SI: variants seen among roughly 807,000 people sequenced by gnomAD.
SI encodes the protein sucrase-isomaltase.
SI carries 235 observed loss-of-function variants against 253.3 expected under a neutral mutation model. The observed-to-expected ratio is 0.93, with a 90% CI of 0.83 to 1.03. SI has a LOEUF of 1.03. Ranked by LOEUF, SI falls within the 50% of genes least tolerant of loss-of-function variation. The pLI is 0.00. For synonymous variants in SI, 819 were observed against 712.0 expected, an observed-to-expected ratio of 1.15 and a Z score of -2.39; for missense variants, 2,442 against 2,211.1, an observed-to-expected ratio of 1.10 and a Z score of -2.09.
chr3:164,994,322 A>C lies in SI; in HGVS notation c.4776T>G (p.Tyr1592Ter), dbSNP rs1028405236. 1 of 1,611,194 alleles carries C rather than the reference A, an allele frequency of 6.2e-7. No homozygotes were observed. Among genetic ancestry groups the C allele is most frequent in the African/African-American group, 1.3e-5 (1 of 74,766 alleles). The stretch of plus-strand genomic sequence containing the variant: ...GAATTTCATGCATTTGTGTGTAAAA[A>C]TAGGGCAATAAGGTGTATCTAATAT... ...ILNIRYTLLP[Y>*]FYTQMHEIHA... The change falls in exon 41 of 48, where the codon TAT becomes TAG. Residue 1592 changes from tyrosine to a stop codon, truncating the protein, a stop_gained. Transcript: ENST00000264382. LOFTEE classifies it high-confidence loss of function.
intron 44 of SI, among the ~76,000 whole-genome samples, chr3:164,989,976 T>G (rs924806005): frequency 1.7e-4 from 26 of 152,162 alleles, no homozygotes; most frequent in African/African-American, 6.3e-4. Flanking sequence ...AAAACAATTC[T>G]AAAGGACACC....
At chr3:165,042,657 T>C (rs1051779694) in intron 17 of SI, among the ~76,000 whole-genome samples, 1 of 152,138 alleles carries the variant, frequency 6.6e-6, no homozygotes, top group Non-Finnish European at 1.5e-5. Context: ...TTACATGAAC[T>C]AAACACAAAC....
At chr3:165,020,531 C>A (rs1276057189) in intron 27 of SI, among the ~76,000 whole-genome samples, 1 of 151,514 alleles carries the variant, frequency 6.6e-6, no homozygotes, top group Non-Finnish European at 1.5e-5. Context: ...GACTTAGCTT[C>A]CCATGCTTTT....
chr3:165,063,103 T>A (rs1016829462), intron 8 of SI, among the ~76,000 whole-genome samples: 2 of 152,060 alleles, frequency 1.3e-5, no homozygotes, highest in Non-Finnish European at 2.9e-5. Flanking sequence ...ATAGACATCT[T>A]TTTTGTTTTC....
the SI span, among the ~76,000 whole-genome samples, chr3:165,085,321 G>T: frequency 3.3e-5 from 5 of 152,102 alleles, no homozygotes; most frequent in Non-Finnish European, 7.4e-5. Flanking sequence ...AAGTAATGAA[G>T]CAGTCTCTAT....
At chr3:164,996,463 CATGT>C (rs2108135033) in intron 40 of SI, 68 bp downstream of exon 40, 1 of 886,700 alleles carries the variant, frequency 1.1e-6, no homozygotes, top group Non-Finnish European at 1.9e-6. Context: ...CTAACCAAGC[CATGT>C]ACACTAAAGT....
rs372440079 is a variant in SI, at chr3:164,998,693, T to G, written c.4407-20A>C. ...AATGCACTAATATAGTAGAGAAGTA[T>G]TTTTGAGTTTTTACATGAGATATTT... On this transcript the variant is annotated intron_variant, in intron 37 of 47. Transcript: ENST00000264382. 1.9e-6 allele frequency: 3 copies of G among 1,601,972 alleles called. No individual in the cohort carries two copies. The highest frequency in any genetic ancestry group is 2.6e-6 in the Non-Finnish European group (3 of 1,169,804).
Position 164,981,064 on chromosome 3 carries a change from T to A in SI, c.5415+1179A>T, listed in dbSNP as rs372850001. Among the ~76,000 whole-genome samples the A allele has an allele frequency of 2.6e-5, 4 of 152,164 alleles. No homozygotes were observed. The East Asian group carries it at 7.7e-4, about 29-fold the overall frequency. On this transcript the variant is annotated intron_variant, in intron 47 of 47. Coordinates refer to ENST00000264382, the MANE Select transcript of SI (RefSeq NM_001041.4). ...TAAGACTACTGGACTAGATCAGGTA[T>A]TCTGGAATTTTATAAATCAGTCAAA...
At chr3:165,048,082 T>C (rs1042933537) in intron 15 of SI, among the ~76,000 whole-genome samples, 1 of 152,070 alleles carries the variant, frequency 6.6e-6, no homozygotes, top group African/African-American at 2.4e-5. Flanking sequence ...GTTTACAAAG[T>C]AAATTGAAGT....
chr3:165,063,853 C>T (rs964403740), intron 7 of SI, among the ~76,000 whole-genome samples: 2 of 150,524 alleles, frequency 1.3e-5, no homozygotes, highest in South Asian at 4.2e-4. Flanking sequence ...GGGTGGATCA[C>T]GAGATAGGAG....
Position 164,996,563 on chromosome 3 carries a change from G to T in SI, c.4664C>A (p.Ser1555Ter). Residue 1555 changes from serine to a stop codon, truncating the protein, a stop_gained, in exon 40 of 48, where the codon TCA (serine) becomes TAA (stop). Transcript: ENST00000264382. LOFTEE classifies it high-confidence loss of function. Reference protein sequence around the residue: ...WMQLGAFYPYSRNHNIANTRR... With the variant: ...WMQLGAFYPY ...AGTATTTGCAATGTTGTGATTCCTTGAGTATGGATAAAATGCTCCAAGTTG... is the reference window on the plus strand; with the variant it reads ...AGTATTTGCAATGTTGTGATTCCTTTAGTATGGATAAAATGCTCCAAGTTG... The T allele has an allele frequency of 6.3e-7, 1 of 1,597,462 alleles. No individual in the cohort carries two copies. Among genetic ancestry groups the T allele is most frequent in the South Asian group, 1.1e-5 (1 of 90,756 alleles).
At chr3:164,993,585 T>C (rs564900000) in intron 41 of SI, among the ~76,000 whole-genome samples, 44 of 151,042 alleles carry the variant, frequency 2.9e-4, no homozygotes, top group African/African-American at 1.1e-3. Context: ...AAGCTAAATA[T>C]ACTGTGATTA....
chr3:165,069,007 A>T, intron 4 of SI, 71 bp downstream of exon 4: 1 of 1,130,386 alleles, frequency 8.8e-7, no homozygotes, highest in Non-Finnish European at 1.3e-6. Context: ...GATTCTATTT[A>T]AGGTATTTTC....
At chr3:165,014,491 C>T (rs981378857) in intron 33 of SI, among the ~76,000 whole-genome samples, 7 of 152,046 alleles carry the variant, frequency 4.6e-5, no homozygotes, top group Admixed American at 1.3e-4. Flanking sequence ...TCTCATGATC[C>T]GCCCGCCTTG....
intron 3 of SI, among the ~76,000 whole-genome samples, chr3:165,073,430 T>C (rs1714728388): frequency 6.6e-6 from 1 of 152,132 alleles, no homozygotes; most frequent in South Asian, 2.1e-4. Context: ...TAGGACCTAT[T>C]ACTTGTAATG....
At chr3:165,013,082 G>A (rs185478068) in intron 33 of SI, 40 bp from the exon 34 acceptor site, 4 of 1,275,530 alleles carry the variant, frequency 3.1e-6, no homozygotes, top group Non-Finnish European at 1.1e-6. Flanking sequence ...TCAAAACATA[G>A]TCAGCATGAT....
intron 9 of SI, among the ~76,000 whole-genome samples, chr3:165,060,748 G>T (rs1351305730): frequency 2.0e-5 from 3 of 148,094 alleles, no homozygotes; most frequent in African/African-American, 7.4e-5. Context: ...TCACCAGTTA[G>T]GTTATATATG....
At chr3:164,996,679 A>AT in intron 39 of SI, 28 bp from the exon 40 acceptor site, 1 of 1,361,610 alleles carries the variant, frequency 7.3e-7, no homozygotes, top group Admixed American at 1.7e-5. Flanking sequence ...ATTTAGTTAA[A>AT]TTTGAATAGT....
At chr3:164,983,171 C>T (rs1426300243) in intron 45 of SI, 120 bp from the exon 46 acceptor site, 1 of 958,612 alleles carries the variant, frequency 1.0e-6, no homozygotes, top group Non-Finnish European at 1.5e-6. Context: ...TCAAGATGTA[C>T]CTATTTTTTC....
Sources: gnomAD v4.1 joint callset for allele counts (sites outside exome capture counted in the v4.1 genomes callset) on GRCh38, gnomAD v4.1.1 for gene constraint, MANE v1.5 for transcripts, NCBI Gene and HGNC (gene_info 2026-07-23, HGNC 2026-07-21) for gene names.